The following SPIRE1 variants were observed in gnomAD, a reference collection of about 807,000 sequenced individuals.
The protein encoded by SPIRE1 is protein spire homolog 1.
In SPIRE1, 40 loss-of-function variants were observed where a neutral mutation model predicts 94.1. The ratio of observed to expected loss-of-function variants is 0.43; its 90% CI spans 0.33 to 0.55. The LOEUF (loss-of-function observed/expected upper bound fraction) is 0.55. Ranked by LOEUF, SPIRE1 falls within the 20% of genes least tolerant of loss-of-function variation. The pLI, the probability that SPIRE1 is intolerant of heterozygous loss-of-function variation, is 0.06. For synonymous variants in SPIRE1, 376 were observed against 371.7 expected, an observed-to-expected ratio of 1.01 and a Z score of -0.13; for missense variants, 838 against 975.2, an observed-to-expected ratio of 0.86 and a Z score of 1.87.
intron 5 of SPIRE1, among the ~76,000 whole-genome samples, chr18:12,507,972 C>T (rs1250949460): frequency 6.6e-6 from 1 of 151,688 alleles, no homozygotes; most frequent in Non-Finnish European, 1.5e-5. Flanking sequence ...TGGTGAAACC[C>T]CGTCTCTACT....
In SPIRE1 at chr18:12,523,122, T is replaced by A. The variant is rs1320417575; in HGVS notation, c.730-10591A>T. 5.3e-5 allele frequency among the ~76,000 whole-genome samples: 8 copies of A among 152,252 alleles called. No homozygotes were observed. In the East Asian group the frequency reaches 1.4e-3, roughly 26 times the overall value. On this transcript the variant is annotated intron_variant, in intron 4 of 16. Transcript: ENST00000409402. ...CATGAAAGGAGGTCAAAATGCAACA[T>A]CAACAGGAGTTTGAAAGAAGTTGAT...
rs145936738 is a variant in SPIRE1 at position 12,455,693 on chromosome 18, C to A, written c.1639-1210G>T. ...GACAGAACAGTCTTGTGCATTCGGA[C>A]CCTGCCAGGCTGCAAGGGGCCATTG... On this transcript the variant is annotated intron_variant, in intron 12 of 16. Coordinates refer to ENST00000409402, the MANE Select transcript of SPIRE1 (RefSeq NM_001128626.2). 3.2e-3 allele frequency among the ~76,000 whole-genome samples: 493 copies of A among 152,258 alleles called. 1 individual carries two copies. Among genetic ancestry groups the A allele is most frequent in the African/African-American group, 0.011 (462 of 41,530 alleles).
At chr18:12,658,266 C>T (rs919137788), upstream of SPIRE1, 1 of 458,612 alleles carries the variant, frequency 2.2e-6, no homozygotes, top group South Asian at 1.6e-5. Context: ...CTCTAGCCCG[C>T]AGGGCTCTCA....
At chr18:12,511,899 T>C (rs2034045579) in intron 5 of SPIRE1, among the ~76,000 whole-genome samples, 1 of 152,012 alleles carries the variant, frequency 6.6e-6, no homozygotes, top group Non-Finnish European at 1.5e-5. Context: ...AATTTTTTTA[T>C]TTTATTTTTT....
chr18:12,640,522 G>A (rs370560779), intron 1 of SPIRE1, among the ~76,000 whole-genome samples: 1 of 152,170 alleles, frequency 6.6e-6, no homozygotes, highest in East Asian at 1.9e-4. Context: ...CACAGTTCTT[G>A]CCTCATAAGG....
chr18:12,546,891 A>G lies in SPIRE1; in HGVS notation c.386T>C (p.Leu129Ser), dbSNP rs2035189800. Residue 129 changes from leucine (L) to serine (S), a missense_variant, in exon 3 of 17, where the codon TTG becomes TCG. Around this residue, in one of 2 missense-constraint regions of SPIRE1, gnomAD observed 645 missense variants for 804.7 expected, o/e 0.80. Coordinates refer to ENST00000409402, the MANE Select transcript of SPIRE1 (RefSeq NM_001128626.2). The stretch of plus-strand genomic sequence containing the variant: ...CAGTGCTTTATAAATAATAATTCCC[A>G]AAGATTCAATGACCTAGGAACATTT... ...QCMETEVIES[L>S]GIIIYKALDY... 2 of 1,612,650 alleles carry G rather than the reference A, an allele frequency of 1.2e-6. No homozygotes were observed. Among genetic ancestry groups the G allele is most frequent in the Non-Finnish European group, 1.7e-6 (2 of 1,178,990 alleles).
intron 8 of SPIRE1, among the ~76,000 whole-genome samples, chr18:12,489,751 T>C (rs527348879): frequency 1.5e-4 from 23 of 152,370 alleles, no homozygotes; most frequent in African/African-American, 5.5e-4. Context: ...AAGATGGTCA[T>C]GCCAAATAAA....
At chr18:12,648,584 TC>T (rs2038288423) in intron 1 of SPIRE1, among the ~76,000 whole-genome samples, 2 of 152,020 alleles carry the variant, frequency 1.3e-5, no homozygotes, top group South Asian at 4.2e-4. Context: ...GAATGGGATT[TC>T]TGCAATAGAA....
At chr18:12,525,998 A>C (rs965161861) in intron 4 of SPIRE1, among the ~76,000 whole-genome samples, 2 of 150,874 alleles carry the variant, frequency 1.3e-5, no homozygotes, top group African/African-American at 4.9e-5. Flanking sequence ...GTTTCCAGTA[A>C]TACATGCTAA....
At chr18:12,489,982 T>A (rs1316068340) in intron 8 of SPIRE1, among the ~76,000 whole-genome samples, 1 of 152,182 alleles carries the variant, frequency 6.6e-6, no homozygotes, top group Non-Finnish European at 1.5e-5. Context: ...TTTCTTCAAG[T>A]TAATTCTGCC....
At chr18:12,599,988 C>T (rs2036785428) in intron 2 of SPIRE1, among the ~76,000 whole-genome samples, 1 of 151,926 alleles carries the variant, frequency 6.6e-6, no homozygotes, top group East Asian at 1.9e-4. Context: ...GCTGGAGTCT[C>T]CTCTCCTTTG....
chr18:12,477,792 A>G (rs1056717836), intron 10 of SPIRE1, among the ~76,000 whole-genome samples: 4 of 152,190 alleles, frequency 2.6e-5, no homozygotes, highest in Non-Finnish European at 5.9e-5. Context: ...CACCAAGCTG[A>G]GCACCGATGG....
At chr18:12,456,775 T>C (rs1352101036) in intron 12 of SPIRE1, among the ~76,000 whole-genome samples, 1 of 152,182 alleles carries the variant, frequency 6.6e-6, no homozygotes, top group Non-Finnish European at 1.5e-5. Context: ...ATGGGCTTAG[T>C]AAAGCATATT....
chr18:12,457,846 CTTT>C (rs201510377), intron 12 of SPIRE1, among the ~76,000 whole-genome samples: 14 of 132,228 alleles, frequency 1.1e-4, no homozygotes, highest in Non-Finnish European at 1.1e-4. Flanking sequence ...TTTCTTTTTT[CTTT>C]TTTTTTTTTT....
intron 2 of SPIRE1, among the ~76,000 whole-genome samples, chr18:12,547,515 C>G (rs943308119): frequency 1.6e-4 from 24 of 152,196 alleles, no homozygotes; most frequent in Admixed American, 1.4e-3. Flanking sequence ...GACAACTGCT[C>G]CAGACTTTGG....
intron 7 of SPIRE1, among the ~76,000 whole-genome samples, chr18:12,494,723 C>T (rs2033380371): frequency 6.7e-6 from 1 of 150,300 alleles, no homozygotes; most frequent in Admixed American, 6.7e-5. Flanking sequence ...CCTGTAGTCC[C>T]AGCTACTTGG....
At chr18:12,634,889 C>T (rs1189944815) in intron 2 of SPIRE1, among the ~76,000 whole-genome samples, 173 bp downstream of exon 2, 1 of 150,544 alleles carries the variant, frequency 6.6e-6, no homozygotes, top group African/African-American at 2.4e-5. Flanking sequence ...GAGCCAAGAT[C>T]GTGCCATTGT....
chr18:12,619,830 A>G (rs2037415275), intron 2 of SPIRE1, among the ~76,000 whole-genome samples: 1 of 143,540 alleles, frequency 7.0e-6, no homozygotes, highest in African/African-American at 2.5e-5. Flanking sequence ...TGGGCAACAG[A>G]GCGAGACTCT....
rs1287282162 is a variant in SPIRE1 at position 12,464,823 on chromosome 18, G to A, written c.1495+45C>T. 24 of 1,526,590 alleles carry A rather than the reference G, an allele frequency of 1.6e-5. No homozygotes were observed. The Admixed American group carries it at 2.0e-4, about 13-fold the overall frequency. The allele number at this position is 1,526,590 out of a possible 1,614,324, so 94.6% of individuals were successfully genotyped here. A position where few individuals can be genotyped will look rare whatever the true frequency, so the allele number is the denominator to read the frequency against. ...CTCTGCTCTAGGTCAAGTGTGTTTT[G>A]TAGTAAGACATCCGACTACAGCTCT... On this transcript the variant is annotated intron_variant, in intron 11 of 16. Transcript: ENST00000409402.
Sources: allele counts gnomAD v4.1 joint callset (sites outside exome capture counted in the v4.1 genomes callset), GRCh38; gene constraint gnomAD v4.1.1; regional missense constraint gnomAD v4.1.1; transcripts MANE v1.5; gene names NCBI Gene and HGNC (gene_info 2026-07-23, HGNC 2026-07-21).